FAM184B: variants seen among roughly 807,000 people sequenced by gnomAD.
FAM184B encodes family with sequence similarity 184 member B.
FAM184B carries 111 observed loss-of-function variants against 135.9 expected under a neutral mutation model. The observed-to-expected ratio is 0.82, with a 90% confidence interval of 0.70 to 0.96. FAM184B has a LOEUF of 0.96. FAM184B is among the 40% of genes least tolerant of loss of function. FAM184B has a pLI of 0.00. For missense variants in FAM184B, 1,375 were observed against 1,323.9 expected, an observed-to-expected ratio of 1.04 and a Z score of -0.60; for synonymous variants, 552 against 524.8, an observed-to-expected ratio of 1.05 and a Z score of -0.71.
chr4:17,635,085 A>G lies in FAM184B; in HGVS notation c.2813T>C (p.Phe938Ser), dbSNP rs1343762891. Residue 938 changes from phenylalanine (F) to serine (S), a missense_variant, in exon 16 of 18, where the codon TTC becomes TCC. By Grantham distance (155) the Phe-to-Ser change is radical. Coordinates refer to ENST00000265018, the MANE Select transcript of FAM184B (RefSeq NM_015688.2). The stretch of plus-strand genomic sequence containing the variant: ...ATTCCGGTGGGACATGGCACTGGGG[A>G]ATGCTGCGTAGTGAAATCTTCTCTC... ...TEERRFHYAA[F>S]PSAMSHRNRS... 7 of 1,551,686 alleles carry G rather than the reference A, an allele frequency of 4.5e-6. No individual in the cohort carries two copies. The highest frequency in any genetic ancestry group is 2.0e-5 in the Admixed American group (1 of 50,988).
intron 12 of FAM184B, 56 bp downstream of exon 12, chr4:17,647,581 C>T (rs553076843): frequency 5.6e-5 from 85 of 1,511,454 alleles, no homozygotes; most frequent in South Asian, 2.9e-4. Flanking sequence ...CTTCTTACTG[C>T]GGCCCTGATG....
chr4:17,710,015 G>A (rs954343705), intron 1 of FAM184B, among the ~76,000 whole-genome samples: 4 of 152,140 alleles, frequency 2.6e-5, no homozygotes, highest in Admixed American at 6.5e-5. Flanking sequence ...TGCAAATCCC[G>A]GAACAAAACA....
chr4:17,705,568 G>A (rs935263539), intron 4 of FAM184B, among the ~76,000 whole-genome samples, 184 bp downstream of exon 4: 2 of 152,192 alleles, frequency 1.3e-5, no homozygotes, highest in African/African-American at 4.8e-5. Flanking sequence ...TACAGTCTCA[G>A]TCTCCTGGTT....
At chr4:17,680,217 T>A (rs1716403933) in intron 7 of FAM184B, among the ~76,000 whole-genome samples, 1 of 152,216 alleles carries the variant, frequency 6.6e-6, no homozygotes, top group South Asian at 2.1e-4. Flanking sequence ...ATGTCACACA[T>A]GATAAATTAT....
chr4:17,691,837 G>A (rs544565656), intron 6 of FAM184B, among the ~76,000 whole-genome samples: 3 of 152,098 alleles, frequency 2.0e-5, no homozygotes, highest in East Asian at 1.9e-4. Flanking sequence ...GGCAGATCAC[G>A]AGGTCAAGAG....
chr4:17,717,062 C>T (rs1717413119), intron 1 of FAM184B, among the ~76,000 whole-genome samples: 1 of 152,132 alleles, frequency 6.6e-6, no homozygotes, highest in African/African-American at 2.4e-5. Context: ...ACACCTGCCT[C>T]AGCCTCCCAA....
chr4:17,764,637 T>C (rs540502037), intron 1 of FAM184B, among the ~76,000 whole-genome samples: 9 of 152,348 alleles, frequency 5.9e-5, no homozygotes, highest in Middle Eastern at 3.4e-3. Context: ...ACTCATTTTA[T>C]TGAATATTGT....
In FAM184B at chr4:17,647,679, G is replaced by A; in HGVS notation, c.2304C>T (p.Ser768=). The A allele has an allele frequency of 1.9e-6, 3 of 1,550,912 alleles. No individual in the cohort carries two copies. The South Asian group carries it at 3.6e-5, about 18-fold the overall frequency. ...LRALGRQQAS[S]QCPGDSKDHI... ...GATCCTTGCTGTCTCCTGGACACTG[G>A]CTGCTGGCTTGCTGTCTGCCCAGAG... Residue 768 remains serine, a synonymous_variant, in exon 12 of 18, where the codon AGC becomes AGT. Transcript: ENST00000265018.
At chr4:17,708,067 C>T (rs918425765) in intron 2 of FAM184B, among the ~76,000 whole-genome samples, 1 of 152,134 alleles carries the variant, frequency 6.6e-6, no homozygotes, top group Non-Finnish European at 1.5e-5. Context: ...TTTTGTGGGG[C>T]TCACATAACT....
intron 1 of FAM184B, among the ~76,000 whole-genome samples, chr4:17,752,748 G>T (rs1279947181): frequency 1.3e-5 from 2 of 152,160 alleles, no homozygotes; most frequent in South Asian, 2.1e-4. Flanking sequence ...AACTGCAAAT[G>T]AACTATCAAA....
chr4:17,674,683 G>T (rs80156793), intron 7 of FAM184B, among the ~76,000 whole-genome samples: 4,470 of 152,258 alleles, frequency 0.029, 87 homozygotes, highest in South Asian at 0.063. Context: ...CTCTCAAACT[G>T]TCACTGATCT....
At chr4:17,670,669 C>T (rs1437752574) in intron 7 of FAM184B, among the ~76,000 whole-genome samples, 3 of 152,226 alleles carry the variant, frequency 2.0e-5, no homozygotes, top group African/African-American at 7.2e-5. Context: ...TACATTATCT[C>T]ATGGATGCAT....
At chr4:17,660,727 T>C (rs915026176) in intron 8 of FAM184B, among the ~76,000 whole-genome samples, 1 of 151,722 alleles carries the variant, frequency 6.6e-6, no homozygotes, top group Non-Finnish European at 1.5e-5. Context: ...TTGAACCAGC[T>C]GAGAATTTCA....
At chr4:17,635,486 A>G (rs574559923) in intron 15 of FAM184B, among the ~76,000 whole-genome samples, 2 of 152,294 alleles carry the variant, frequency 1.3e-5, no homozygotes, top group East Asian at 1.9e-4. Flanking sequence ...GTTGCCTAAC[A>G]TATACAAACA....
chr4:17,755,322 T>G (rs1427418135), intron 1 of FAM184B, among the ~76,000 whole-genome samples: 1 of 152,158 alleles, frequency 6.6e-6, no homozygotes, highest in Non-Finnish European at 1.5e-5. Flanking sequence ...TCATCATCAC[T>G]GATCATTAGA....
chr4:17,642,176 C>G lies in FAM184B; in HGVS notation c.2399G>C (p.Gly800Ala). ...AGSPPGAAGQ[G>A]SGEGCGLWEE... is the part of the protein sequence containing the mutation. Reference sequence around the variant, plus strand: ...CCAGAGCCCGCATCCCTCGCCGGAACCCTGCCCAGCAGCGCCCGGTGGGGA... The same window carrying G: ...CCAGAGCCCGCATCCCTCGCCGGAAGCCTGCCCAGCAGCGCCCGGTGGGGA... The change falls in exon 13 of 18, where the codon GGT becomes GCT. Residue 800 changes from glycine (G) to alanine (A), a missense_variant. Coordinates refer to ENST00000265018, the MANE Select transcript of FAM184B (RefSeq NM_015688.2). The G allele has an allele frequency of 6.5e-7, 1 of 1,531,842 alleles. No homozygotes were observed. The highest frequency in any genetic ancestry group is 8.7e-7 in the Non-Finnish European group (1 of 1,144,988). The allele number at this position is 1,531,842 out of a possible 1,614,324, so 94.9% of individuals were successfully genotyped here. A position where few individuals can be genotyped will look rare whatever the true frequency, so the allele number is the denominator to read the frequency against.
intron 3 of FAM184B, among the ~76,000 whole-genome samples, chr4:17,707,140 T>C (rs568295915): frequency 6.6e-6 from 1 of 152,294 alleles, no homozygotes; most frequent in Non-Finnish European, 1.5e-5. Context: ...TCTCACTATG[T>C]TGCCCAGGCT....
At chr4:17,726,114 C>T (rs927817621) in intron 1 of FAM184B, among the ~76,000 whole-genome samples, 1 of 151,828 alleles carries the variant, frequency 6.6e-6, no homozygotes, top group Non-Finnish European at 1.5e-5. Context: ...TCAGTAGAGA[C>T]GGGGTTTCAC....
At position 17,781,370 on chromosome 4, in the gene FAM184B, G is replaced by C; in HGVS notation, c.-71C>G. 1 of 1,403,946 alleles carries C rather than the reference G, an allele frequency of 7.1e-7. No individual in the cohort carries two copies. Among genetic ancestry groups the C allele is most frequent in the Non-Finnish European group, 9.3e-7 (1 of 1,072,920 alleles). The allele number at this position is 1,403,946 out of a possible 1,614,324, so 87.0% of individuals were successfully genotyped here. On this transcript the variant is annotated 5_prime_UTR_variant, in exon 1 of 18. Transcript: ENST00000265018. The surrounding 1 kb of genome is among the most constrained non-coding windows in gnomAD (Gnocchi z 6.5). ...CCACCGTGTGCACGTGCGTGCGCGC[G>C]CGGGCGTGCGAGCGTGTGGGTTTCT...
Sources: allele counts gnomAD v4.1 joint callset (sites outside exome capture counted in the v4.1 genomes callset), GRCh38; gene constraint gnomAD v4.1.1; non-coding constraint Gnocchi (gnomAD v3.1); transcripts MANE v1.5; gene names NCBI Gene and HGNC (gene_info 2026-07-23, HGNC 2026-07-21).